The following NELL1 variants were observed in gnomAD, a reference collection of about 807,000 sequenced individuals.
NELL1 encodes protein kinase C-binding protein NELL1.
Under a neutral mutation model 107.4 loss-of-function variants are expected in NELL1, and 76 were observed. The observed-to-expected ratio is 0.71, with a 90% CI of 0.59 to 0.86. The LOEUF (loss-of-function observed/expected upper bound fraction) is 0.86. NELL1 is among the 40% of genes least tolerant of loss of function. The pLI is 0.00. For synonymous variants in NELL1, 353 were observed against 341.2 expected, an observed-to-expected ratio of 1.03 and a Z score of -0.38; for missense variants, 1,024 against 1,005.5, an observed-to-expected ratio of 1.02 and a Z score of -0.25.
intron 12 of NELL1, among the ~76,000 whole-genome samples, chr11:20,995,616 A>G (rs191122371): frequency 5.3e-5 from 8 of 152,196 alleles, no homozygotes; most frequent in South Asian, 4.2e-4. Context: ...TCACATTTCT[A>G]CATCCCAGAA....
chr11:20,968,156 A>G (rs1297988881), intron 12 of NELL1, among the ~76,000 whole-genome samples: 1 of 152,162 alleles, frequency 6.6e-6, no homozygotes, highest in Non-Finnish European at 1.5e-5. Flanking sequence ...TTTGAATTTG[A>G]TTTAATGTAT....
chr11:20,750,209 C>T (rs916550653), intron 2 of NELL1, among the ~76,000 whole-genome samples: 7 of 152,032 alleles, frequency 4.6e-5, no homozygotes, highest in African/African-American at 1.7e-4. Context: ...CATCTTTTCA[C>T]GTGTGTTTTG....
intron 14 of NELL1, among the ~76,000 whole-genome samples, chr11:21,356,951 A>C (rs1366032498): frequency 6.6e-6 from 1 of 151,984 alleles, no homozygotes; most frequent in Non-Finnish European, 1.5e-5. Context: ...ATGGTCTCCA[A>C]CTCCATGTAG....
chr11:21,295,064 T>C (rs1849346663), intron 14 of NELL1, among the ~76,000 whole-genome samples: 1 of 152,102 alleles, frequency 6.6e-6, no homozygotes, highest in African/African-American at 2.4e-5. Flanking sequence ...GGAAATGCCA[T>C]TTCTGACTTT....
chr11:21,212,560 G>A (rs1338979670), intron 13 of NELL1, among the ~76,000 whole-genome samples: 1 of 152,126 alleles, frequency 6.6e-6, no homozygotes, highest in Non-Finnish European at 1.5e-5. Context: ...CTCTACTGAA[G>A]TAAAGTCACT....
chr11:20,775,840 A>G (rs1856739914), intron 2 of NELL1, among the ~76,000 whole-genome samples: 1 of 152,200 alleles, frequency 6.6e-6, no homozygotes, highest in Non-Finnish European at 1.5e-5. Context: ...ATTGGTTAAT[A>G]CCATGTGTCA....
chr11:20,791,730 G>GTTTTTTTTTTTTTTTTTTTTTTT (rs368213562), intron 3 of NELL1, among the ~76,000 whole-genome samples: 1 of 79,494 alleles, frequency 1.3e-5, no homozygotes, highest in Non-Finnish European at 2.9e-5. Flanking sequence ...CAGTCTGGAG[G>GTTTTTTTTTTTTTTTTTTTTTTT]TTTTTTTTTT....
chr11:20,888,461 A>G (rs1477951370), intron 5 of NELL1, among the ~76,000 whole-genome samples: 1 of 150,966 alleles, frequency 6.6e-6, no homozygotes, highest in Non-Finnish European at 1.5e-5. Context: ...AAATTAAGGA[A>G]GATAATAAAG....
chr11:21,523,485 TGTGTAAG>T (rs1234167793), intron 15 of NELL1, among the ~76,000 whole-genome samples: 1 of 152,206 alleles, frequency 6.6e-6, no homozygotes, highest in Non-Finnish European at 1.5e-5. Flanking sequence ...TTCCTCTTCC[TGTGTAAG>T]CACCAGGCTC....
At chr11:21,556,472 T>A (rs576346622) in intron 16 of NELL1, among the ~76,000 whole-genome samples, 2 of 152,134 alleles carry the variant, frequency 1.3e-5, no homozygotes, top group Non-Finnish European at 2.9e-5. Context: ...GTTATGCTAT[T>A]AAAAATTTCT....
intron 15 of NELL1, among the ~76,000 whole-genome samples, chr11:21,501,162 C>T (rs765619112): frequency 2.6e-5 from 4 of 152,076 alleles, no homozygotes; most frequent in African/African-American, 4.8e-5. Flanking sequence ...TGTGTGTATG[C>T]GCCCCTAACC....
intron 12 of NELL1, among the ~76,000 whole-genome samples, chr11:21,044,539 A>C (rs778856347): frequency 2.0e-5 from 3 of 152,164 alleles, no homozygotes; most frequent in Non-Finnish European, 4.4e-5. Context: ...TTGATGTTTT[A>C]AGATGAGCGA....
intron 9 of NELL1, among the ~76,000 whole-genome samples, chr11:20,934,633 C>G (rs150407652): frequency 6.6e-6 from 1 of 152,196 alleles, no homozygotes; most frequent in South Asian, 2.1e-4. Flanking sequence ...TCTATTTCTT[C>G]GCTTCACAGC....
intron 15 of NELL1, among the ~76,000 whole-genome samples, chr11:21,411,610 C>CA (rs996970756): frequency 2.6e-5 from 4 of 151,708 alleles, no homozygotes; most frequent in Admixed American, 1.3e-4. Context: ...AAGAGGTTGC[C>CA]AAAAAAACTC....
At chr11:20,929,208 GA>G (rs1351179392) in intron 9 of NELL1, among the ~76,000 whole-genome samples, 2 of 152,168 alleles carry the variant, frequency 1.3e-5, no homozygotes, top group African/African-American at 4.8e-5. Context: ...GTCCTCTACA[GA>G]AAAGGAGAGT....
At chr11:21,309,284 A>ATATATGTATATATATATATATATG (rs1356562552) in intron 14 of NELL1, among the ~76,000 whole-genome samples, 1 of 62,782 alleles carries the variant, frequency 1.6e-5, no homozygotes, top group Non-Finnish European at 2.6e-5. Context: ...ATATATGTAT[A>ATATATGTATATATATATATATATG]TATATATATA....
intron 5 of NELL1, among the ~76,000 whole-genome samples, chr11:20,887,208 T>C (rs1331038542): frequency 6.6e-6 from 1 of 152,258 alleles, no homozygotes; most frequent in African/African-American, 2.4e-5. Flanking sequence ...AGTTCTGTTG[T>C]ATGAATGTAT....
chr11:20,687,369 G>A (rs1249245903), intron 2 of NELL1, among the ~76,000 whole-genome samples: 1 of 151,932 alleles, frequency 6.6e-6, no homozygotes, highest in Non-Finnish European at 1.5e-5. Context: ...GTCTCAGTAT[G>A]TCATATGTCA....
chr11:21,220,260 T>C (rs1231095247), intron 13 of NELL1, among the ~76,000 whole-genome samples: 1 of 152,210 alleles, frequency 6.6e-6, no homozygotes, highest in Admixed American at 6.5e-5. Context: ...TTGGTTACCA[T>C]AGCTTTGTAG....
Sources: gnomAD v4.1 joint callset for allele counts (sites outside exome capture counted in the v4.1 genomes callset) on GRCh38, gnomAD v4.1.1 for gene constraint, MANE v1.5 for transcripts, NCBI Gene and HGNC (gene_info 2026-07-23, HGNC 2026-07-21) for gene names.